The following PSMA1 variants were observed in gnomAD, a reference collection of about 807,000 sequenced individuals.
The protein encoded by PSMA1 is proteasome subunit alpha type-1.
A neutral mutation model predicts 38.4 loss-of-function variants in PSMA1; 3 were observed. The ratio of observed to expected loss-of-function variants is 0.08; its 90% CI spans 0.04 to 0.20. The LOEUF is 0.20. Ranked by LOEUF, PSMA1 falls within the 10% of genes least tolerant of loss-of-function variation. The probability of loss-of-function intolerance (pLI) is 1.00; values close to 1 mark genes in which losing one functional copy is unlikely to be tolerated. For missense variants in PSMA1, 227 were observed against 325.3 expected (o/e 0.70, Z 2.32); for synonymous variants, 101 against 107.1 (o/e 0.94, Z 0.35).
chr11:14,520,258 C>T (rs1295620129), intron 1 of PSMA1, 39 bp downstream of exon 1: 2 of 1,613,956 alleles, frequency 1.2e-6, no homozygotes, highest in South Asian at 1.1e-5. Context: ...GTCACCAGAG[C>T]TCTGCCCTAA....
intron 2 of PSMA1, 124 bp from the exon 3 acceptor site, chr11:14,518,105 CTTTT>C (rs879358641): frequency 7.6e-6 from 4 of 529,666 alleles, no homozygotes; most frequent in Admixed American, 3.9e-5. Context: ...ATCAAGAGAC[CTTTT>C]TTTTTTTTTG....
intron 2 of PSMA1, among the ~76,000 whole-genome samples, chr11:14,537,466 T>C (rs1339715953): frequency 1.3e-5 from 2 of 151,534 alleles, no homozygotes; most frequent in African/African-American, 4.8e-5. Flanking sequence ...AGATCATATC[T>C]TTTAAAGAGG....
chr11:14,629,103 C>A (rs1852962378), intron 1 of PSMA1, among the ~76,000 whole-genome samples: 1 of 151,862 alleles, frequency 6.6e-6, no homozygotes, highest in Non-Finnish European at 1.5e-5. Flanking sequence ...AAAATTTTCT[C>A]CCATTTTGTA....
chr11:14,533,097 AT>A (rs1404009760), intron 2 of PSMA1, among the ~76,000 whole-genome samples: 1 of 152,156 alleles, frequency 6.6e-6, no homozygotes, highest in Non-Finnish European at 1.5e-5. Flanking sequence ...TATTGTGTAT[AT>A]GATTCTTATT....
At chr11:14,642,398 AT>A (rs1853222743) in intron 1 of PSMA1, among the ~76,000 whole-genome samples, 2 of 152,188 alleles carry the variant, frequency 1.3e-5, no homozygotes. Flanking sequence ...TAGGACAAGC[AT>A]TTGGGTAATA....
chr11:14,552,328 T>C (rs1851895093), intron 2 of PSMA1, among the ~76,000 whole-genome samples: 1 of 152,194 alleles, frequency 6.6e-6, no homozygotes, highest in Non-Finnish European at 1.5e-5. Context: ...AGACCAACAG[T>C]GCCTTGGCAA....
intron 2 of PSMA1, among the ~76,000 whole-genome samples, chr11:14,527,925 ACTTACT>A (rs996982628): frequency 4.6e-5 from 7 of 151,966 alleles, no homozygotes; most frequent in African/African-American, 7.2e-5. Flanking sequence ...TTACTTTTAT[ACTTACT>A]CTTATTCTTG....
In PSMA1 at chr11:14,631,419, A is replaced by G. The variant is rs570955356; in HGVS notation, c.-166+12036T>C. Among the ~76,000 whole-genome samples, 6 of 151,940 alleles carry G rather than the reference A, an allele frequency of 3.9e-5. No homozygotes were observed. In the South Asian group the frequency reaches 1.2e-3, roughly 32 times the overall value. ...TCTTTATTTCTGCCTTCATTTTGTT[A>G]TATACCCAGTAGTCATTCAGGAGCA... On this transcript the variant is annotated intron_variant, in intron 1 of 10. Transcript: ENST00000418988.
At chr11:14,527,267 T>G (rs1187302893) in intron 2 of PSMA1, among the ~76,000 whole-genome samples, 1 of 152,062 alleles carries the variant, frequency 6.6e-6, no homozygotes, top group Non-Finnish European at 1.5e-5. Flanking sequence ...GGCCAGTTTT[T>G]CTCCTTCTCA....
intron 2 of PSMA1, among the ~76,000 whole-genome samples, chr11:14,609,819 C>T (rs1852687917): frequency 6.6e-6 from 1 of 152,166 alleles, no homozygotes; most frequent in African/African-American, 2.4e-5. Context: ...GAAGCCAGTG[C>T]AGGGTACAGA....
At chr11:14,632,966 G>C (rs1204090351) in intron 1 of PSMA1, among the ~76,000 whole-genome samples, 76 of 145,544 alleles carry the variant, frequency 5.2e-4, no homozygotes, top group African/African-American at 1.8e-3. Flanking sequence ...CGTAGTTCTC[G>C]AGCCTTGGTT....
At chr11:14,627,157 A>C (rs184897500) in intron 1 of PSMA1, among the ~76,000 whole-genome samples, 8 of 152,234 alleles carry the variant, frequency 5.3e-5, no homozygotes, top group Non-Finnish European at 7.4e-5. Context: ...TACCTCTTTA[A>C]AGGCTCCATT....
chr11:14,597,809 C>T (rs1852519792), intron 2 of PSMA1, among the ~76,000 whole-genome samples: 2 of 152,044 alleles, frequency 1.3e-5, no homozygotes, highest in South Asian at 4.1e-4. Context: ...TGTGTTTGCT[C>T]TTGCTTCTCT....
At chr11:14,523,872 C>A (rs1565036168), upstream of PSMA1, among the ~76,000 whole-genome samples, 1 of 151,832 alleles carries the variant, frequency 6.6e-6, no homozygotes, top group South Asian at 2.1e-4. Flanking sequence ...CATGAGCTAC[C>A]ATGCCCGGCC....
At chr11:14,542,532 G>A (rs1335240013) in intron 2 of PSMA1, among the ~76,000 whole-genome samples, 1 of 152,134 alleles carries the variant, frequency 6.6e-6, no homozygotes, top group Non-Finnish European at 1.5e-5. Flanking sequence ...ATTTCACAAA[G>A]CTCTGGCTGA....
chr11:14,567,927 A>G (rs1852091895), intron 2 of PSMA1, among the ~76,000 whole-genome samples: 1 of 152,332 alleles, frequency 6.6e-6, no homozygotes, highest in East Asian at 1.9e-4. Context: ...GGTAGGAATT[A>G]TAGCCCTGTA....
intron 2 of PSMA1, among the ~76,000 whole-genome samples, chr11:14,583,848 AG>A (rs1390293558): frequency 6.6e-6 from 1 of 152,214 alleles, no homozygotes; most frequent in Non-Finnish European, 1.5e-5. Context: ...ATATCTGCTC[AG>A]TATTTTTCCC....
intron 2 of PSMA1, among the ~76,000 whole-genome samples, chr11:14,596,590 A>T (rs1467374244): frequency 1.3e-5 from 2 of 152,198 alleles, no homozygotes; most frequent in Non-Finnish European, 2.9e-5. Flanking sequence ...TTGCACATTG[A>T]TTTTGTATCC....
At chr11:14,577,950 C>T (rs1852238390) in intron 2 of PSMA1, among the ~76,000 whole-genome samples, 1 of 152,160 alleles carries the variant, frequency 6.6e-6, no homozygotes, top group Non-Finnish European at 1.5e-5. Flanking sequence ...TTTGCATATT[C>T]ACTCATATTG....
Sources: allele counts gnomAD v4.1 joint callset (sites outside exome capture counted in the v4.1 genomes callset), GRCh38; gene constraint gnomAD v4.1.1; transcripts MANE v1.5; gene names NCBI Gene and HGNC (gene_info 2026-07-23, HGNC 2026-07-21).